The following SYNPO2 variants were observed in gnomAD, a reference collection of about 807,000 sequenced individuals.
SYNPO2 encodes the protein synaptopodin-2.
Under a neutral mutation model 85.0 loss-of-function variants are expected in SYNPO2, and 56 were observed. That is an observed-to-expected ratio of 0.66 (90% CI 0.53 to 0.82). The LOEUF (loss-of-function observed/expected upper bound fraction) is 0.82. SYNPO2 is among the 40% of genes least tolerant of loss of function. The pLI is 0.00. For synonymous variants in SYNPO2, 602 were observed against 591.1 expected, an observed-to-expected ratio of 1.02 and a Z score of -0.27; for missense variants, 1,575 against 1,534.2, an observed-to-expected ratio of 1.03 and a Z score of -0.44.
chr4:118,954,873 G>GTA (rs1443392453), intron 1 of SYNPO2, among the ~76,000 whole-genome samples: 11 of 151,942 alleles, frequency 7.2e-5, no homozygotes, highest in African/African-American at 2.7e-4. Flanking sequence ...TATGAGGGAG[G>GTA]TATAATATGA....
At chr4:118,927,915 T>C (rs1178809129) in intron 1 of SYNPO2, among the ~76,000 whole-genome samples, 1 of 133,040 alleles carries the variant, frequency 7.5e-6, no homozygotes, top group East Asian at 2.2e-4. Context: ...GGAAACTGTG[T>C]TGATCTACAC....
rs201619789 is a variant in SYNPO2 at position 119,027,102 on chromosome 4, C to T, written c.733C>T (p.Pro245Ser). Residue 245 changes from proline to serine, a missense_variant, in exon 3 of 5, where the codon CCT becomes TCT. By Grantham distance (74) the Pro-to-Ser change is moderately conservative. Around this residue, in one of 3 missense-constraint regions of SYNPO2, gnomAD observed 1,508 missense variants for 1,446.8 expected, o/e 1.04. Coordinates refer to ENST00000307142, the MANE Select transcript of SYNPO2 (RefSeq NM_133477.3). ...HDRIVHINSI[P>S]TNEKADPFLR... ...CAGGATTGTCCACATAAATTCGATC[C>T]CTACTAATGAGAAAGCAGACCCTTT... is the stretch of plus-strand genomic sequence containing the variant. 1.2e-6 allele frequency: 2 copies of T among 1,614,138 alleles called. No individual in the cohort carries two copies. The highest frequency in any genetic ancestry group is 1.7e-5 in the Admixed American group (1 of 60,014).
intron 4 of SYNPO2, chr4:119,033,936 G>T: frequency 3.0e-6 from 3 of 985,348 alleles, no homozygotes; most frequent in Non-Finnish European, 3.6e-6. Context: ...GAACAATGGG[G>T]CTGATTCTTC....
chr4:118,976,137 G>A (rs961017410), intron 1 of SYNPO2, among the ~76,000 whole-genome samples: 11 of 152,224 alleles, frequency 7.2e-5, no homozygotes, highest in Admixed American at 1.3e-4. Flanking sequence ...GGACTCTCGC[G>A]GTGAGTGTTA....
chr4:118,998,731 G>A (rs926256038), intron 1 of SYNPO2, among the ~76,000 whole-genome samples: 1 of 152,126 alleles, frequency 6.6e-6, no homozygotes, highest in East Asian at 1.9e-4. Context: ...AAAATAGAGG[G>A]TAGGTGTTTT....
intron 1 of SYNPO2, among the ~76,000 whole-genome samples, chr4:118,902,730 C>G (rs1293686890): frequency 6.6e-6 from 1 of 152,134 alleles, no homozygotes. Context: ...GAAATGTATT[C>G]TCCCCGTGAG....
chr4:119,012,466 G>T (rs1330941418), intron 1 of SYNPO2, among the ~76,000 whole-genome samples: 1 of 147,874 alleles, frequency 6.8e-6, no homozygotes, highest in Non-Finnish European at 1.5e-5. Context: ...GTGTCATGGT[G>T]GTTTGCTGCA....
intron 1 of SYNPO2, among the ~76,000 whole-genome samples, chr4:118,905,097 A>G (rs902485874): frequency 6.6e-6 from 1 of 152,172 alleles, no homozygotes; most frequent in African/African-American, 2.4e-5. Context: ...CGCATGCTAC[A>G]ATGACCAGAT....
chr4:118,942,982 C>T (rs1285273599), intron 1 of SYNPO2, among the ~76,000 whole-genome samples: 1 of 152,072 alleles, frequency 6.6e-6, no homozygotes, highest in Non-Finnish European at 1.5e-5. Context: ...GGGCATGCGC[C>T]TGTAATCCCA....
At chr4:119,012,215 G>A (rs528071274) in intron 1 of SYNPO2, among the ~76,000 whole-genome samples, 31 of 152,114 alleles carry the variant, frequency 2.0e-4, no homozygotes, top group South Asian at 4.2e-4. Flanking sequence ...GAACCACTGT[G>A]CCCAGCCACC....
chr4:118,855,749 A>C (rs915987564), intron 1 of SYNPO2, among the ~76,000 whole-genome samples: 2 of 152,214 alleles, frequency 1.3e-5, no homozygotes, highest in Non-Finnish European at 2.9e-5. Flanking sequence ...TGAAGATGTC[A>C]TAACAATAAT....
At chr4:118,918,538 T>C (rs1217360561) in intron 1 of SYNPO2, among the ~76,000 whole-genome samples, 1 of 152,196 alleles carries the variant, frequency 6.6e-6, no homozygotes, top group Non-Finnish European at 1.5e-5. Context: ...CTCTGGAGAA[T>C]TGGCTGCAAA....
intron 1 of SYNPO2, among the ~76,000 whole-genome samples, chr4:118,859,179 T>C (rs934100173): frequency 6.6e-6 from 1 of 152,204 alleles, no homozygotes; most frequent in African/African-American, 2.4e-5. Context: ...TTTCCATACA[T>C]CCTTTGTGTC....
intron 1 of SYNPO2, among the ~76,000 whole-genome samples, chr4:118,990,429 T>G (rs1166436996): frequency 6.6e-6 from 1 of 152,184 alleles, no homozygotes; most frequent in African/African-American, 2.4e-5. Flanking sequence ...ATTCCGCAGA[T>G]GTTTACAGAG....
intron 3 of SYNPO2, among the ~76,000 whole-genome samples, chr4:119,029,331 A>T (rs1056102488): frequency 2.6e-5 from 4 of 152,134 alleles, no homozygotes; most frequent in Non-Finnish European, 4.4e-5. Flanking sequence ...AAACCTAAAT[A>T]GCTAAATTCA....
At chr4:118,909,739 A>G (rs1362885849) in intron 1 of SYNPO2, among the ~76,000 whole-genome samples, 2 of 152,174 alleles carry the variant, frequency 1.3e-5, no homozygotes, top group Non-Finnish European at 2.9e-5. Context: ...GGGGCTCTTG[A>G]GCCAGCAAAC....
chr4:118,890,733 C>CTCTCTCTG (rs749295331), intron 1 of SYNPO2, among the ~76,000 whole-genome samples: 5,145 of 125,814 alleles, frequency 0.041, 153 homozygotes, highest in South Asian at 0.067. Flanking sequence ...CTCTCTCTCT[C>CTCTCTCTG]TGTGTGTGTG....
intron 1 of SYNPO2, among the ~76,000 whole-genome samples, chr4:118,965,448 T>C (rs1222950185): frequency 2.0e-5 from 3 of 152,172 alleles, no homozygotes; most frequent in Non-Finnish European, 2.9e-5. Context: ...TTGCTGTCTG[T>C]TGTACAGAGT....
chr4:118,890,730 T>TCTCTCTCA (rs1732344962), intron 1 of SYNPO2, among the ~76,000 whole-genome samples: 1 of 147,448 alleles, frequency 6.8e-6, no homozygotes, highest in Non-Finnish European at 1.5e-5. Flanking sequence ...TCTCTCTCTC[T>TCTCTCTCA]CTCTGTGTGT....
Sources: gnomAD v4.1 joint callset for allele counts (sites outside exome capture counted in the v4.1 genomes callset) on GRCh38, gnomAD v4.1.1 for gene constraint, gnomAD v4.1.1 regional missense constraint, MANE v1.5 for transcripts, NCBI Gene and HGNC (gene_info 2026-07-23, HGNC 2026-07-21) for gene names.